Variants in DLGAP1 observed in about 807,000 individuals in gnomAD.
DLGAP1 encodes disks large-associated protein 1.
A neutral mutation model predicts 90.8 loss-of-function variants in DLGAP1; 11 were observed. The ratio of observed to expected loss-of-function variants is 0.12; its 90% CI spans 0.08 to 0.20. The LOEUF is 0.20. Ranked by LOEUF, DLGAP1 falls within the 10% of genes least tolerant of loss-of-function variation. The pLI is 1.00. For missense variants in DLGAP1, 1,050 were observed against 1,333.8 expected (o/e 0.79, Z 3.31); for synonymous variants, 558 against 540.7 (o/e 1.03, Z -0.44).
chr18:4,138,590 T>C (rs576170602), intron 2 of DLGAP1, among the ~76,000 whole-genome samples: 1 of 152,162 alleles, frequency 6.6e-6, no homozygotes, highest in South Asian at 2.1e-4. Flanking sequence ...TATTGACCAG[T>C]AGTTTCCTTT....
At position 3,499,699 on chromosome 18, in the gene DLGAP1, T is replaced by C. The variant is rs757778542; in HGVS notation, c.2725-305A>G. Among the ~76,000 whole-genome samples, 18 of 152,102 alleles carry C rather than the reference T, an allele frequency of 1.2e-4. No individual in the cohort carries two copies. Among genetic ancestry groups the C allele is most frequent in the African/African-American group, 1.7e-4 (7 of 41,424 alleles). On this transcript the variant is annotated intron_variant, in intron 12 of 12. Coordinates refer to ENST00000315677, the MANE Select transcript of DLGAP1 (RefSeq NM_004746.4). The surrounding 1 kb of genome is among the most constrained non-coding windows in gnomAD (Gnocchi z 6.4). ...GGAAAGCCTGCGGCTCCCAGCACAT[T>C]GAGTGCGGTTCTCTCTGGAGACTCC...
At position 3,772,358 on chromosome 18, in the gene DLGAP1, T is replaced by TTCTC. The variant is rs1207263064; in HGVS notation, c.1173-29847_1173-29846insGAGA. On this transcript the variant is annotated intron_variant, in intron 5 of 12. Transcript: ENST00000315677. ...TCTCTCTCTCTCTCTCTTTCTTTCT[T>TTCTC]TCTTTCTTTCTTTCTTTCTTTCTTT... Among the ~76,000 whole-genome samples the TTCTC allele has an allele frequency of 4.5e-4, 2 of 4,410 alleles. 1 individual carries two copies. Among genetic ancestry groups the TTCTC allele is most frequent in the African/African-American group, 1.1e-3 (2 of 1,896 alleles). 2.9% of individuals were successfully genotyped at this position (4,410 alleles called of 152,430 possible).
intron 1 of DLGAP1, among the ~76,000 whole-genome samples, chr18:4,355,179 T>C (rs936171391): frequency 6.6e-6 from 1 of 152,206 alleles, no homozygotes; most frequent in African/African-American, 2.4e-5. Flanking sequence ...TGTACACAAA[T>C]GTTCATGGCA....
chr18:4,185,754 C>T (rs8084304), intron 1 of DLGAP1, among the ~76,000 whole-genome samples: 12,284 of 152,056 alleles, frequency 0.081, 1,641 homozygotes, highest in African/African-American at 0.27. Flanking sequence ...CGTTTGCATG[C>T]GTGGGTCTTT....
At chr18:3,850,283 C>T (rs201311401) in intron 4 of DLGAP1, among the ~76,000 whole-genome samples, 6 of 151,978 alleles carry the variant, frequency 3.9e-5, no homozygotes, top group East Asian at 3.9e-4. Context: ...CCCAGCTACT[C>T]GGGAGGCTGA....
intron 1 of DLGAP1, among the ~76,000 whole-genome samples, chr18:4,333,458 G>A (rs1030363658): frequency 2.0e-5 from 3 of 151,386 alleles, no homozygotes; most frequent in African/African-American, 7.3e-5. Context: ...TTTTGGATAG[G>A]AAGACCTATA....
chr18:4,362,843 G>A (rs2081659241), intron 1 of DLGAP1, among the ~76,000 whole-genome samples: 1 of 151,952 alleles, frequency 6.6e-6, no homozygotes, highest in South Asian at 2.1e-4. Context: ...CAACTGAAAG[G>A]CATTTAATCA....
intron 2 of DLGAP1, among the ~76,000 whole-genome samples, chr18:4,147,511 G>T (rs961788015): frequency 6.6e-6 from 1 of 151,810 alleles, no homozygotes; most frequent in Non-Finnish European, 1.5e-5. Flanking sequence ...TAGTTTTTTT[G>T]TAAGAAGTTA....
chr18:4,402,131 A>T (rs4798226), intron 1 of DLGAP1, among the ~76,000 whole-genome samples: 14,294 of 152,184 alleles, frequency 0.094, 1,190 homozygotes, highest in African/African-American at 0.23. Context: ...ACACTAAAAT[A>T]TATCATCCCT....
In DLGAP1 at chr18:3,742,401, C is replaced by A. The variant is rs766257224; in HGVS notation, c.1284G>T (p.Leu428Phe). 6.2e-7 allele frequency: 1 copy of A among 1,614,170 alleles called. No homozygotes were observed. Among genetic ancestry groups the A allele is most frequent in the Admixed American group, 1.7e-5 (1 of 60,018 alleles). ...TGGAGCGGAACTTTGGTGATGTGAG[C>A]AAGCCTGCAGGGTCCAGGCTGTCCA... is the stretch of plus-strand genomic sequence containing the variant. ...RSLDSLDPAG[L>F]LTSPKFRSRN... Residue 428 changes from leucine (L) to phenylalanine (F), a missense_variant, in exon 6 of 13, where the codon TTG (leucine) becomes TTT (phenylalanine). Physicochemically the swap from Leu to Phe is conservative, Grantham distance 22. Around this residue, in one of 2 missense-constraint regions of DLGAP1, gnomAD observed 565 missense variants for 879.7 expected, o/e 0.64. Coordinates refer to ENST00000315677, the MANE Select transcript of DLGAP1 (RefSeq NM_004746.4).
At chr18:3,803,979 TATATATATATATATATATATATATAA>T (rs1246429498) in intron 5 of DLGAP1, among the ~76,000 whole-genome samples, 1 of 77,908 alleles carries the variant, frequency 1.3e-5, no homozygotes, top group South Asian at 5.5e-4. Context: ...TATATATATA[TATATATATATATATATATATATATAA>T]TTTTTTTTGA....
chr18:3,586,935 G>C (rs2055920918), intron 7 of DLGAP1, among the ~76,000 whole-genome samples: 1 of 152,180 alleles, frequency 6.6e-6, no homozygotes, highest in African/African-American at 2.4e-5. Flanking sequence ...GACTGAAGGA[G>C]GGTGAAACAC....
At position 4,275,722 on chromosome 18, in the gene DLGAP1, G is replaced by A. The variant is rs1598788359; in HGVS notation, c.-266-124435C>T. ...TATTGTGCTAGTCATACTATTAGAC[G>A]ATGTGTTAAAATTTATGTGTTCACT... On this transcript the variant is annotated intron_variant, in intron 1 of 12. Transcript: ENST00000315677. Among the ~76,000 whole-genome samples the A allele has an allele frequency of 2.0e-5, 3 of 151,918 alleles. No individual in the cohort carries two copies. In the South Asian group the frequency reaches 6.2e-4, roughly 32 times the overall value.
chr18:3,796,686 G>C, intron 5 of DLGAP1, among the ~76,000 whole-genome samples: 1 of 152,212 alleles, frequency 6.6e-6, no homozygotes, highest in East Asian at 1.9e-4. Context: ...GCTGAAGTCA[G>C]CAGGAGATGG....
chr18:4,074,136 T>C (rs1251590486), intron 2 of DLGAP1, among the ~76,000 whole-genome samples: 1 of 152,172 alleles, frequency 6.6e-6, no homozygotes, highest in Admixed American at 6.5e-5. Flanking sequence ...AAATGTTTTA[T>C]GTAGAATAAA....
chr18:4,157,784 C>A (rs2076781424), intron 1 of DLGAP1, among the ~76,000 whole-genome samples: 1 of 152,172 alleles, frequency 6.6e-6, no homozygotes, highest in South Asian at 2.1e-4. Context: ...TGAGTTTCAA[C>A]ATGAGAGCAC....
At chr18:4,320,380 T>C (rs759840039) in intron 1 of DLGAP1, among the ~76,000 whole-genome samples, 10 of 152,304 alleles carry the variant, frequency 6.6e-5, no homozygotes, top group Middle Eastern at 6.8e-3. Context: ...GAATTAAATA[T>C]ATTTATTTTT....
intron 1 of DLGAP1, among the ~76,000 whole-genome samples, chr18:4,306,770 A>G (rs1297081081): frequency 1.3e-5 from 2 of 152,150 alleles, no homozygotes; most frequent in Non-Finnish European, 2.9e-5. Flanking sequence ...GACATTTGCT[A>G]CCTTAAAACC....
At chr18:3,627,948 G>A (rs1391015931) in intron 7 of DLGAP1, among the ~76,000 whole-genome samples, 1 of 141,128 alleles carries the variant, frequency 7.1e-6, no homozygotes, top group Non-Finnish European at 1.5e-5. Context: ...GGCGATCTCG[G>A]CTCACTGCAA....
Sources: gnomAD v4.1 joint callset for allele counts (sites outside exome capture counted in the v4.1 genomes callset) on GRCh38, gnomAD v4.1.1 for gene constraint, gnomAD v4.1.1 regional missense constraint, Gnocchi (gnomAD v3.1) non-coding constraint, MANE v1.5 for transcripts, NCBI Gene and HGNC (gene_info 2026-07-23, HGNC 2026-07-21) for gene names.